Variants in ERC2 observed in about 807,000 individuals in gnomAD.
ERC2 encodes ERC protein 2.
ERC2 carries 42 observed loss-of-function variants against 114.8 expected under a neutral mutation model. The observed-to-expected ratio is 0.37, with a 90% CI of 0.29 to 0.47. The LOEUF (loss-of-function observed/expected upper bound fraction) is 0.47. Among genes scored for constraint, ERC2 ranks in the 20% least tolerant of loss-of-function variants. ERC2 has a pLI of 0.99. For synonymous variants in ERC2, 454 were observed against 425.5 expected, an observed-to-expected ratio of 1.07 and a Z score of -0.82; for missense variants, 939 against 1,150.7, an observed-to-expected ratio of 0.82 and a Z score of 2.66.
At chr3:56,133,444 TAATAA>T (rs1401744093) in intron 6 of ERC2, among the ~76,000 whole-genome samples, 1 of 151,888 alleles carries the variant, frequency 6.6e-6, no homozygotes, top group Non-Finnish European at 1.5e-5. Flanking sequence ...TGCAAAAAAA[TAATAA>T]AATAAAATAA....
intron 2 of ERC2, among the ~76,000 whole-genome samples, chr3:56,303,461 C>A (rs556446417): frequency 1.3e-5 from 2 of 152,292 alleles, no homozygotes; most frequent in East Asian, 3.9e-4. Flanking sequence ...CTCTGGTATA[C>A]CATCCCAGGA....
At chr3:55,522,939 T>C (rs971569501) in intron 17 of ERC2, among the ~76,000 whole-genome samples, 1 of 152,200 alleles carries the variant, frequency 6.6e-6, no homozygotes, top group Non-Finnish European at 1.5e-5. Context: ...ACTTTGAAGA[T>C]TAAAGAGAGG....
chr3:55,982,504 C>T (rs572120560), intron 12 of ERC2, among the ~76,000 whole-genome samples: 4 of 152,108 alleles, frequency 2.6e-5, no homozygotes, highest in African/African-American at 7.2e-5. Flanking sequence ...TCAGTGCTGG[C>T]ACTTAATTAA....
intron 14 of ERC2, among the ~76,000 whole-genome samples, chr3:55,810,699 ATCCACCTGCC>A (rs2059688439): frequency 1.3e-5 from 2 of 152,202 alleles, no homozygotes; most frequent in Non-Finnish European, 2.9e-5. Flanking sequence ...ACCTTAGGTG[ATCCACCTGCC>A]TTGGCCTCCC....
At chr3:55,962,322 T>C (rs1286399130) in intron 12 of ERC2, among the ~76,000 whole-genome samples, 1 of 152,252 alleles carries the variant, frequency 6.6e-6, no homozygotes, top group Non-Finnish European at 1.5e-5. Flanking sequence ...GTAAATATCT[T>C]AGACTTCACA....
chr3:55,761,005 A>G (rs996711600), intron 14 of ERC2, among the ~76,000 whole-genome samples: 1 of 152,228 alleles, frequency 6.6e-6, no homozygotes, highest in Non-Finnish European at 1.5e-5. Flanking sequence ...GAAGACACAG[A>G]GATGTCCTCT....
At chr3:55,693,889 A>G (rs917384523) in intron 16 of ERC2, among the ~76,000 whole-genome samples, 10 of 152,074 alleles carry the variant, frequency 6.6e-5, no homozygotes, top group African/African-American at 2.4e-4. Flanking sequence ...TTGTATTTTT[A>G]GTAGAGATGG....
intron 6 of ERC2, among the ~76,000 whole-genome samples, chr3:56,115,013 C>T (rs567323666): frequency 4.9e-4 from 74 of 152,268 alleles, no homozygotes; most frequent in African/African-American, 1.7e-3. Context: ...TGGATAACAA[C>T]ACTATGTCAA....
intron 1 of ERC2, among the ~76,000 whole-genome samples, chr3:56,465,224 C>A (rs2063489661): frequency 6.6e-6 from 1 of 152,092 alleles, no homozygotes; most frequent in South Asian, 2.1e-4. Flanking sequence ...CATGGTGAAA[C>A]CCAGTCTGTA....
At chr3:56,261,792 CA>C (rs538620493) in intron 3 of ERC2, among the ~76,000 whole-genome samples, 5 of 152,028 alleles carry the variant, frequency 3.3e-5, no homozygotes, top group Non-Finnish European at 7.4e-5. Flanking sequence ...GTTTGTTGTA[CA>C]GATTATTTCA....
chr3:56,429,468 C>G (rs183836983), intron 2 of ERC2, among the ~76,000 whole-genome samples: 1 of 152,300 alleles, frequency 6.6e-6, no homozygotes, highest in Admixed American at 6.5e-5. Context: ...GTCCATAATC[C>G]CTTGCCCCAC....
At chr3:55,861,683 C>T (rs1195873905) in intron 14 of ERC2, among the ~76,000 whole-genome samples, 5 of 151,956 alleles carry the variant, frequency 3.3e-5, no homozygotes, top group African/African-American at 9.7e-5. Context: ...CTAGGCAAAT[C>T]GACTATGTAC....
At chr3:55,576,773 G>A (rs931159457) in intron 17 of ERC2, among the ~76,000 whole-genome samples, 6 of 152,190 alleles carry the variant, frequency 3.9e-5, no homozygotes, top group Non-Finnish European at 8.8e-5. Flanking sequence ...TCAGCTTCCT[G>A]CCCGACCCCA....
chr3:56,314,407 C>T (rs1404735540), intron 2 of ERC2, among the ~76,000 whole-genome samples: 3 of 148,448 alleles, frequency 2.0e-5, no homozygotes, highest in Admixed American at 6.9e-5. Context: ...CAACAGGAAG[C>T]CATCATTTTC....
At chr3:56,341,260 T>A (rs11708654) in intron 2 of ERC2, among the ~76,000 whole-genome samples, 1 of 151,968 alleles carries the variant, frequency 6.6e-6, no homozygotes, top group South Asian at 2.1e-4. Context: ...GTGAACTGGT[T>A]GGGGCTGGAG....
intron 2 of ERC2, among the ~76,000 whole-genome samples, chr3:56,388,691 A>G (rs2060022153): frequency 6.6e-6 from 1 of 152,096 alleles, no homozygotes; most frequent in African/African-American, 2.4e-5. Flanking sequence ...CTACGTTGTC[A>G]CAATACTCTA....
chr3:55,849,278 G>A (rs2061481862), intron 14 of ERC2, among the ~76,000 whole-genome samples: 1 of 152,154 alleles, frequency 6.6e-6, no homozygotes. Flanking sequence ...GAGCTGGACT[G>A]ATCTGGACAT....
intron 3 of ERC2, among the ~76,000 whole-genome samples, chr3:56,226,191 G>A (rs908952432): frequency 3.3e-5 from 5 of 151,924 alleles, no homozygotes; most frequent in African/African-American, 1.2e-4. Flanking sequence ...TTGTTCCTAT[G>A]AGCAATCGAG....
chr3:55,679,707 T>C (rs534056428), intron 17 of ERC2, among the ~76,000 whole-genome samples: 18 of 152,330 alleles, frequency 1.2e-4, no homozygotes, highest in African/African-American at 4.1e-4. Flanking sequence ...AAAATCTAAA[T>C]TGCATTAAAA....
Sources: allele counts gnomAD v4.1 joint callset (sites outside exome capture counted in the v4.1 genomes callset), GRCh38; gene constraint gnomAD v4.1.1; transcripts MANE v1.5; gene names NCBI Gene and HGNC (gene_info 2026-07-23, HGNC 2026-07-21).